The following SLC44A1 variants were observed in gnomAD, a reference collection of about 807,000 sequenced individuals.
The protein encoded by SLC44A1 is choline transporter-like protein 1.
A neutral mutation model predicts 79.3 loss-of-function variants in SLC44A1; 26 were observed. The ratio of observed to expected loss-of-function variants is 0.33; its 90% CI spans 0.24 to 0.46. The LOEUF (loss-of-function observed/expected upper bound fraction) is 0.46. SLC44A1 is among the 20% of genes least tolerant of loss of function. SLC44A1 has a pLI of 1.00. For missense variants in SLC44A1, 688 were observed against 798.1 expected, an observed-to-expected ratio of 0.86 and a Z score of 1.66; for synonymous variants, 263 against 286.2, an observed-to-expected ratio of 0.92 and a Z score of 0.82.
chr9:105,412,640 C>T (rs1337589466), intron 15 of SLC44A1, among the ~76,000 whole-genome samples: 2 of 151,956 alleles, frequency 1.3e-5, no homozygotes, highest in African/African-American at 4.8e-5. Context: ...CTCACTCTGT[C>T]ACCCAGGCTG....
intron 3 of SLC44A1, among the ~76,000 whole-genome samples, chr9:105,325,821 T>C (rs1397103251): frequency 6.6e-6 from 1 of 152,158 alleles, no homozygotes; most frequent in African/African-American, 2.4e-5. Context: ...GGTTCTAAAA[T>C]TAGATTGTAG....
In SLC44A1 at chr9:105,393,603, C is replaced by G. The variant is rs984986216; in HGVS notation, c.*4547C>G. 4.0e-5 allele frequency: 39 copies of G among 967,662 alleles called. No homozygotes were observed. The highest frequency in any genetic ancestry group is 8.6e-6 in the Non-Finnish European group (7 of 813,936). 59.9% of individuals were successfully genotyped at this position (967,662 alleles called of 1,614,324 possible). A position where few individuals can be genotyped will look rare whatever the true frequency, so the allele number is the denominator to read the frequency against. On this transcript the variant is annotated 3_prime_UTR_variant, in exon 16 of 16. Transcript: ENST00000374720. Reference sequence around the variant, plus strand: ...TAAACTTACTGATTTCTGTGGAAAACCTTTCTTTTCTATAGAAATACTGTA... The same window carrying G: ...TAAACTTACTGATTTCTGTGGAAAAGCTTTCTTTTCTATAGAAATACTGTA...
chr9:105,249,884 T>G (rs1564396316), intron 1 of SLC44A1, among the ~76,000 whole-genome samples: 2 of 149,760 alleles, frequency 1.3e-5, no homozygotes, highest in African/African-American at 2.5e-5. Flanking sequence ...TTTTTTTTTT[T>G]GTGAAGTAGG....
At chr9:105,353,536 T>C (rs1827517858) in intron 5 of SLC44A1, among the ~76,000 whole-genome samples, 2 of 152,134 alleles carry the variant, frequency 1.3e-5, no homozygotes, top group Non-Finnish European at 2.9e-5. Context: ...TGAAGAGACT[T>C]ACAGAGTGCT....
At chr9:105,249,618 G>A (rs559772734) in intron 1 of SLC44A1, among the ~76,000 whole-genome samples, 2 of 151,346 alleles carry the variant, frequency 1.3e-5, no homozygotes, top group East Asian at 1.9e-4. Context: ...TCTGCCTCCC[G>A]GGTTCAAGTG....
chr9:105,419,149 T>C (rs377314050), intron 15 of SLC44A1, among the ~76,000 whole-genome samples: 1 of 152,128 alleles, frequency 6.6e-6, no homozygotes, highest in East Asian at 1.9e-4. Flanking sequence ...TAGAGACATA[T>C]GGTTATAGAA....
At chr9:105,261,775 C>CTTTTTTT (rs35530318) in intron 1 of SLC44A1, among the ~76,000 whole-genome samples, 6 of 111,686 alleles carry the variant, frequency 5.4e-5, no homozygotes, top group African/African-American at 1.5e-4. Flanking sequence ...CTCTCTCTCT[C>CTTTTTTT]TTTTTTTTTT....
chr9:105,285,582 G>C (rs184212673), intron 1 of SLC44A1, among the ~76,000 whole-genome samples: 219 of 152,326 alleles, frequency 1.4e-3, no homozygotes, highest in Admixed American at 0.013. Flanking sequence ...GTCAGCAAAG[G>C]GTGGTAGATT....
chr9:105,297,751 A>T (rs1486070196), intron 1 of SLC44A1, among the ~76,000 whole-genome samples: 1 of 152,164 alleles, frequency 6.6e-6, no homozygotes, highest in Non-Finnish European at 1.5e-5. Flanking sequence ...GTTCAACACT[A>T]TGGTTTTAGA....
chr9:105,285,460 AT>A (rs1830451599), intron 1 of SLC44A1, among the ~76,000 whole-genome samples: 1 of 152,226 alleles, frequency 6.6e-6, no homozygotes, highest in South Asian at 2.1e-4. Context: ...GTAAAAAAAA[AT>A]AATTTACCCA....
rs1451051337 is a variant in SLC44A1, at chr9:105,365,475, T to G, written c.1254-8T>G. On this transcript the variant is annotated splice_region_variant and splice_polypyrimidine_tract_variant and intron_variant, in intron 10 of 15. Coordinates refer to ENST00000374720, the MANE Select transcript of SLC44A1 (RefSeq NM_080546.5). ...TTTTAATTGTCTTTTTGGTCATTTT[T>G]TAAATAGGGATAAAAGGAATTTGCC... The G allele has an allele frequency of 1.2e-6, 2 of 1,607,788 alleles. No homozygotes were observed. Among genetic ancestry groups the G allele is most frequent in the Admixed American group, 1.7e-5 (1 of 59,652 alleles).
chr9:105,249,384 C>G (rs1367377451), intron 1 of SLC44A1, among the ~76,000 whole-genome samples: 1 of 152,184 alleles, frequency 6.6e-6, no homozygotes, highest in Non-Finnish European at 1.5e-5. Context: ...TAAACTTCAT[C>G]TAACGGGAAC....
intron 3 of SLC44A1, among the ~76,000 whole-genome samples, chr9:105,322,855 T>C (rs369717892): frequency 1.3e-5 from 2 of 152,302 alleles, no homozygotes; most frequent in Admixed American, 6.5e-5. Context: ...TTATATTTTG[T>C]ATAATTTCAA....
intron 15 of SLC44A1, among the ~76,000 whole-genome samples, chr9:105,423,608 T>C (rs1829283644): frequency 6.6e-6 from 1 of 152,226 alleles, no homozygotes; most frequent in Non-Finnish European, 1.5e-5. Flanking sequence ...CCAACCTGAA[T>C]ACCCAACAAT....
chr9:105,395,286 T>G lies in SLC44A1; in HGVS notation c.*6230T>G. 1 of 690,376 alleles carries G rather than the reference T, an allele frequency of 1.4e-6. No homozygotes were observed. 42.8% of individuals were successfully genotyped at this position (690,376 alleles called of 1,614,324 possible). A position where few individuals can be genotyped will look rare whatever the true frequency, so the allele number is the denominator to read the frequency against. Reference sequence around the variant, plus strand: ...CAGCTTAGAGTGCAGTGGCTCAATCTTAGCTCACTGCAACCTCCACCTCCC... The same window carrying G: ...CAGCTTAGAGTGCAGTGGCTCAATCGTAGCTCACTGCAACCTCCACCTCCC... On this transcript the variant is annotated 3_prime_UTR_variant, in exon 16 of 16. Transcript: ENST00000374720.
At chr9:105,433,348 C>A (rs995757458) in intron 15 of SLC44A1, among the ~76,000 whole-genome samples, 2 of 152,074 alleles carry the variant, frequency 1.3e-5, no homozygotes, top group African/African-American at 4.8e-5. Context: ...AAGAAAAAGG[C>A]ATCCCAAATG....
chr9:105,396,390 A>C lies in SLC44A1; in HGVS notation c.*7334A>C. On this transcript the variant is annotated 3_prime_UTR_variant, in exon 16 of 16. Coordinates refer to ENST00000374720, the MANE Select transcript of SLC44A1 (RefSeq NM_080546.5). ...CATCAAGCAAAATGACAGGGGCTTC[A>C]AAAAACAACCAAAGACAAAACCCTA... is the stretch of plus-strand genomic sequence containing the variant. The C allele has an allele frequency of 1.0e-6, 1 of 985,460 alleles. No homozygotes were observed. Among genetic ancestry groups the C allele is most frequent in the Non-Finnish European group, 1.2e-6 (1 of 829,940 alleles). The allele number at this position is 985,460 out of a possible 1,614,324, so 61.0% of individuals were successfully genotyped here. A position where few individuals can be genotyped will look rare whatever the true frequency, so the allele number is the denominator to read the frequency against.
chr9:105,265,330 C>A (rs972834852), intron 1 of SLC44A1, among the ~76,000 whole-genome samples: 4 of 152,150 alleles, frequency 2.6e-5, no homozygotes, highest in African/African-American at 4.8e-5. Context: ...CCTTGGCAAC[C>A]ACTGATCTAT....
rs1564460393 is a variant in SLC44A1 at position 105,364,527 on chromosome 9, C to T, written c.1088-28C>T. ...TTCTGGATTTGTACTTTATGTGCTT[C>T]TTCTTTCCTTCCTTGATATTTTCCT... On this transcript the variant is annotated intron_variant, in intron 9 of 15. Coordinates refer to ENST00000374720, the MANE Select transcript of SLC44A1 (RefSeq NM_080546.5). 5 of 1,586,966 alleles carry T rather than the reference C, an allele frequency of 3.2e-6. No individual in the cohort carries two copies. The African/African-American group carries it at 5.4e-5, about 17-fold the overall frequency.
Sources: gnomAD v4.1 joint callset for allele counts (sites outside exome capture counted in the v4.1 genomes callset) on GRCh38, gnomAD v4.1.1 for gene constraint, MANE v1.5 for transcripts, NCBI Gene and HGNC (gene_info 2026-07-23, HGNC 2026-07-21) for gene names.